Variants in LRRFIP1 observed in about 807,000 individuals in gnomAD.
LRRFIP1 encodes leucine-rich repeat flightless-interacting protein 1.
In LRRFIP1, 62 loss-of-function variants were observed where a neutral mutation model predicts 104.4. The observed-to-expected ratio is 0.59, with a 90% CI of 0.48 to 0.73. LRRFIP1 has a LOEUF of 0.73. Among genes scored for constraint, LRRFIP1 ranks in the 30% least tolerant of loss-of-function variants. LRRFIP1 has a pLI of 0.00. For missense variants in LRRFIP1, 796 were observed against 824.5 expected (o/e 0.97, Z 0.42); for synonymous variants, 300 against 299.0 (o/e 1.00, Z -0.03).
Position 237,717,518 on chromosome 2 carries a change from C to G in LRRFIP1, c.202-244C>G, listed in dbSNP as rs1053108076. Among the ~76,000 whole-genome samples, 2 of 152,204 alleles carry G rather than the reference C, an allele frequency of 1.3e-5. No homozygotes were observed. The highest frequency in any genetic ancestry group is 4.8e-5 in the African/African-American group (2 of 41,460). On this transcript the variant is annotated intron_variant, in intron 3 of 23. Coordinates refer to ENST00000308482, the MANE Select transcript of LRRFIP1 (RefSeq NM_001137550.2). The surrounding 1 kb of genome is among the most constrained non-coding windows in gnomAD (Gnocchi z 4.2). The stretch of plus-strand genomic sequence containing the variant: ...CTGGGGAAGCTTCGTCCTGGGCTCT[C>G]TTGCTTTGCCGGGATGGGGTGGGCT...
At chr2:237,638,744 C>T (rs560231126) in intron 1 of LRRFIP1, among the ~76,000 whole-genome samples, 25 of 152,280 alleles carry the variant, frequency 1.6e-4, no homozygotes, top group Non-Finnish European at 2.6e-4. Context: ...TTGGGGCTGC[C>T]GTGTCGACCA....
At chr2:237,696,618 G>A (rs1397171908) in intron 1 of LRRFIP1, among the ~76,000 whole-genome samples, 1 of 152,204 alleles carries the variant, frequency 6.6e-6, no homozygotes, top group African/African-American at 2.4e-5. Flanking sequence ...CAGATAAAGA[G>A]GAAACTGAGG....
At chr2:237,774,984 T>G (rs1233606204) in intron 23 of LRRFIP1, among the ~76,000 whole-genome samples, 1 of 152,264 alleles carries the variant, frequency 6.6e-6, no homozygotes, top group Non-Finnish European at 1.5e-5. Flanking sequence ...TTTACCTTAC[T>G]GAAGACACTT....
intron 1 of LRRFIP1, among the ~76,000 whole-genome samples, chr2:237,699,275 A>G (rs2093369030): frequency 6.6e-6 from 1 of 152,142 alleles, no homozygotes; most frequent in Admixed American, 6.5e-5. Context: ...TGTGTAAAAC[A>G]TATTTTGAGT....
intron 14 of LRRFIP1, among the ~76,000 whole-genome samples, chr2:237,751,479 C>T (rs1481760480): frequency 6.6e-6 from 1 of 152,240 alleles, no homozygotes; most frequent in Non-Finnish European, 1.5e-5. Flanking sequence ...GAAAATGTAA[C>T]TGCCCAGTAG....
intron 1 of LRRFIP1, among the ~76,000 whole-genome samples, chr2:237,678,987 G>A (rs191062860): frequency 9.2e-5 from 14 of 152,314 alleles, no homozygotes; most frequent in Non-Finnish European, 2.9e-5. Context: ...GAAACACAAA[G>A]AGAGGATATG....
intron 1 of LRRFIP1, among the ~76,000 whole-genome samples, chr2:237,634,926 C>G (rs2082878719): frequency 6.6e-6 from 1 of 152,176 alleles, no homozygotes; most frequent in Non-Finnish European, 1.5e-5. Flanking sequence ...GAAATCTACC[C>G]ACTAGAGACC....
At chr2:237,628,682 C>T (rs1003675055) in intron 1 of LRRFIP1, among the ~76,000 whole-genome samples, 1 of 152,174 alleles carries the variant, frequency 6.6e-6, no homozygotes, top group African/African-American at 2.4e-5. Context: ...GGTTCTTTTC[C>T]GTGTTGGCTT....
intron 17 of LRRFIP1, among the ~76,000 whole-genome samples, 200 bp from the exon 18 acceptor site, chr2:237,758,529 A>G (rs545164136): frequency 8.1e-4 from 124 of 152,352 alleles, no homozygotes; most frequent in Non-Finnish European, 1.4e-3. Flanking sequence ...GAGTATGAAC[A>G]GTAACATTTC....
At position 237,711,514 on chromosome 2, in the gene LRRFIP1, A is replaced by G. The variant is rs965453290; in HGVS notation, c.184-2745A>G. 7.2e-5 allele frequency among the ~76,000 whole-genome samples: 11 copies of G among 152,178 alleles called. No homozygotes were observed. The highest frequency in any genetic ancestry group is 2.7e-4 in the African/African-American group (11 of 41,438). On this transcript the variant is annotated intron_variant, in intron 2 of 23. Transcript: ENST00000308482. This position sits in a 1 kb window ranked among gnomAD's most constrained non-coding sequence, Gnocchi z 4.4. ...ACCTTTGGCCAACGTCACCTTTTGCACGGTCCTCTGTGGATCTGCAGTCTC... is the reference window on the plus strand; with the variant it reads ...ACCTTTGGCCAACGTCACCTTTTGCGCGGTCCTCTGTGGATCTGCAGTCTC...
At position 237,739,195 on chromosome 2, in the gene LRRFIP1, T is replaced by C. The variant is rs139755075; in HGVS notation, c.556-37T>C. ...TCCTTTGCTGACCCTGTTCCTTTGT[T>C]TCTGGCTGCGTGTCCTGGCGGTGGC... On this transcript the variant is annotated intron_variant, in intron 10 of 23. Coordinates refer to ENST00000308482, the MANE Select transcript of LRRFIP1 (RefSeq NM_001137550.2). 1.1e-3 allele frequency: 1,619 copies of C among 1,541,000 alleles called. 14 individuals carry two copies. In the African/African-American group the frequency reaches 0.02, roughly 19 times the overall value.
chr2:237,752,543 A>C (rs2058748946), intron 14 of LRRFIP1, among the ~76,000 whole-genome samples: 1 of 152,218 alleles, frequency 6.6e-6, no homozygotes, highest in Non-Finnish European at 1.5e-5. Context: ...CCTCTGCTGC[A>C]CCTGAACTGG....
In LRRFIP1 at chr2:237,779,441, A is replaced by G. The variant is rs781608605; in HGVS notation, c.1832A>G (p.Lys611Arg). ...LQRELRSALD[K>R]TEELEVSNGH... Reference sequence around the variant, plus strand: ...TCCCAGCTCCGCTCTGCATTGGATAAAACAGAAGAGCTCGAGGTGAGCAAC... The same window carrying G: ...TCCCAGCTCCGCTCTGCATTGGATAGAACAGAAGAGCTCGAGGTGAGCAAC... Residue 611 changes from lysine to arginine, a missense_variant, in exon 24 of 24, where the codon AAA (lysine) becomes AGA (arginine). By Grantham distance (26) the Lys-to-Arg change is conservative. Coordinates refer to ENST00000308482, the MANE Select transcript of LRRFIP1 (RefSeq NM_001137550.2). The G allele has an allele frequency of 2.5e-6, 4 of 1,613,652 alleles. No homozygotes were observed. The highest frequency in any genetic ancestry group is 2.5e-6 in the Non-Finnish European group (3 of 1,179,632).
intron 1 of LRRFIP1, among the ~76,000 whole-genome samples, chr2:237,631,004 G>A (rs977272520): frequency 6.6e-6 from 1 of 152,226 alleles, no homozygotes; most frequent in African/African-American, 2.4e-5. Context: ...AAGGACCATG[G>A]ACTTAGGGGC....
rs1002968480 is a variant in LRRFIP1, at chr2:237,735,619, C to G, written c.555+286C>G. ...CAACCATACTAACAGGTGGTGAAAC[C>G]GTCTTCGGTTAATAAAAACGGGAAA... On this transcript the variant is annotated intron_variant, in intron 10 of 23. Transcript: ENST00000308482. The surrounding 1 kb of genome is among the most constrained non-coding windows in gnomAD (Gnocchi z 4.6). The G allele has an allele frequency of 2.0e-5, 7 of 353,704 alleles. No homozygotes were observed. The highest frequency in any genetic ancestry group is 3.6e-5 in the Non-Finnish European group (7 of 194,828). 21.9% of individuals were successfully genotyped at this position (353,704 alleles called of 1,614,324 possible).
At chr2:237,708,700 G>GCAACAGGTGCCT in intron 2 of LRRFIP1, 70 bp downstream of exon 2, 1 of 1,490,934 alleles carries the variant, frequency 6.7e-7, no homozygotes, top group Non-Finnish European at 9.2e-7. Context: ...TGCAAGTGCA[G>GCAACAGGTGCCT]GCACCTGTTG....
At position 237,706,617 on chromosome 2, in the gene LRRFIP1, T is replaced by C. The variant is rs2093823199; in HGVS notation, c.97-1927T>C. 1.3e-5 allele frequency among the ~76,000 whole-genome samples: 2 copies of C among 152,156 alleles called. 1 individual carries two copies. The highest frequency in any genetic ancestry group is 1.3e-4 in the Admixed American group (2 of 15,262). On this transcript the variant is annotated intron_variant, in intron 1 of 23. Coordinates refer to ENST00000308482, the MANE Select transcript of LRRFIP1 (RefSeq NM_001137550.2). ...TCTGTCTCCTCCCTCTTTGCTTTTG[T>C]GTAGACCCAAGAGTCCTTTCTTTTG...
At chr2:237,646,731 G>A (rs985211819) in intron 1 of LRRFIP1, among the ~76,000 whole-genome samples, 10 of 151,886 alleles carry the variant, frequency 6.6e-5, no homozygotes, top group African/African-American at 1.9e-4. Flanking sequence ...AGTGTGGGCC[G>A]TGTGTGCACA....
At position 237,772,908 on chromosome 2, in the gene LRRFIP1, C is replaced by T; in HGVS notation, c.1670C>T (p.Ala557Val). The change falls in exon 22 of 24, where the codon GCA (alanine) becomes GTA (valine). Residue 557 changes from alanine to valine, a missense_variant. By Grantham distance (64) the Ala-to-Val change is moderately conservative. Coordinates refer to ENST00000308482, the MANE Select transcript of LRRFIP1 (RefSeq NM_001137550.2). The stretch of plus-strand genomic sequence containing the variant: ...ATCAGCGACCTCAAATTTAAACTTG[C>T]AAAATCTGAGCAAGAGATAACTGCA... ...RQISDLKFKL[A>V]KSEQEITALE... 2 of 1,613,892 alleles carry T rather than the reference C, an allele frequency of 1.2e-6. No homozygotes were observed. The highest frequency in any genetic ancestry group is 2.2e-5 in the South Asian group (2 of 91,082).
Sources: gnomAD v4.1 joint callset for allele counts (sites outside exome capture counted in the v4.1 genomes callset) on GRCh38, gnomAD v4.1.1 for gene constraint, Gnocchi (gnomAD v3.1) non-coding constraint, MANE v1.5 for transcripts, NCBI Gene and HGNC (gene_info 2026-07-23, HGNC 2026-07-21) for gene names.